CIMIP2C: variants seen among roughly 807,000 people sequenced by gnomAD.
The protein encoded by CIMIP2C is ciliary microtubule inner protein 2C, also known as UPF0573 protein C2orf70.
the CIMIP2C span, among the ~76,000 whole-genome samples, chr2:26,576,839 A>C: frequency 2.0e-5 from 3 of 152,326 alleles, no homozygotes; most frequent in South Asian, 6.2e-4. Context: ...ATCCCCAGAG[A>C]CCACAGGTGC....
chr2:26,579,223 G>A, the CIMIP2C span: 112 of 1,574,146 alleles, frequency 7.1e-5, no homozygotes, highest in African/African-American at 1.4e-3. Flanking sequence ...GGCACGTGGG[G>A]CTGTGGGTGG....
the CIMIP2C span, among the ~76,000 whole-genome samples, chr2:26,572,919 A>G: frequency 2.6e-5 from 4 of 152,222 alleles, no homozygotes; most frequent in East Asian, 5.8e-4. Context: ...GCATCTCCCC[A>G]TCACTTGTCT....
chr2:26,574,989 T>A, the CIMIP2C span, among the ~76,000 whole-genome samples: 18 of 152,268 alleles, frequency 1.2e-4, no homozygotes, highest in African/African-American at 4.3e-4. Context: ...GCCGCGAGTC[T>A]GGCGCCTGTA....
the CIMIP2C span, among the ~76,000 whole-genome samples, chr2:26,567,214 C>A: frequency 6.6e-6 from 1 of 152,076 alleles, no homozygotes; most frequent in Admixed American, 6.5e-5. Flanking sequence ...TTCCATAATC[C>A]CCACATGTCA....
the CIMIP2C span, among the ~76,000 whole-genome samples, chr2:26,567,947 A>G: frequency 1.3e-5 from 2 of 152,240 alleles, no homozygotes; most frequent in East Asian, 3.9e-4. Flanking sequence ...CTGTTGAGAA[A>G]CTGGCAGGTG....
At chr2:26,573,326 TAA>T in the CIMIP2C span, among the ~76,000 whole-genome samples, 2 of 146,786 alleles carry the variant, frequency 1.4e-5, no homozygotes, top group African/African-American at 5.5e-5. Flanking sequence ...CCTCTGCCTA[TAA>T]ACGGGCACCA....
the CIMIP2C span, among the ~76,000 whole-genome samples, chr2:26,576,384 C>T: frequency 6.6e-6 from 1 of 152,174 alleles, no homozygotes; most frequent in Non-Finnish European, 1.5e-5. Flanking sequence ...CTGATCTCTC[C>T]CCACCTCCCG....
At chr2:26,577,732 G>A in the CIMIP2C span, 1 of 844,722 alleles carries the variant, frequency 1.2e-6, no homozygotes, top group South Asian at 1.6e-5. Flanking sequence ...AATGAGTTGA[G>A]GATCTTGCCC....
the CIMIP2C span, among the ~76,000 whole-genome samples, chr2:26,563,867 C>T: frequency 6.6e-6 from 1 of 152,174 alleles, no homozygotes; most frequent in East Asian, 1.9e-4. Context: ...TTAACCTAGC[C>T]CATTTGTGGA....
At chr2:26,578,029 C>G in the CIMIP2C span, 1 of 185,656 alleles carries the variant, frequency 5.4e-6, no homozygotes, top group African/African-American at 2.4e-5. Context: ...GGCACTACAC[C>G]GAGCAGGAAT....
the CIMIP2C span, among the ~76,000 whole-genome samples, chr2:26,566,839 C>G: frequency 6.6e-6 from 1 of 152,182 alleles, no homozygotes; most frequent in African/African-American, 2.4e-5. Context: ...CCCACCTCAG[C>G]CCCCTGAGTA....
At chr2:26,565,029 TCTTCTCCTTCTC>T in the CIMIP2C span, among the ~76,000 whole-genome samples, 7 of 150,752 alleles carry the variant, frequency 4.6e-5, no homozygotes, top group African/African-American at 9.8e-5. Flanking sequence ...TTCTTCTTCT[TCTTCTCCTTCTC>T]CTTCTCCTTC....
chr2:26,578,685 G>A, the CIMIP2C span: 107 of 465,866 alleles, frequency 2.3e-4, 1 homozygote, highest in South Asian at 1.3e-3. Flanking sequence ...CCTGGGGACA[G>A]GTATCCTCTT....
chr2:26,570,191 AG>A, the CIMIP2C span, among the ~76,000 whole-genome samples: 1 of 152,236 alleles, frequency 6.6e-6, no homozygotes, highest in African/African-American at 2.4e-5. Flanking sequence ...GTGGAGAAGC[AG>A]GGAGCAGAGG....
At chr2:26,577,758 A>G in the CIMIP2C span, 3 of 677,944 alleles carry the variant, frequency 4.4e-6, no homozygotes, top group Non-Finnish European at 7.5e-6. Flanking sequence ...CGTGCAGTGC[A>G]GAGAGTGATG....
the CIMIP2C span, chr2:26,575,921 A>G: frequency 6.2e-7 from 1 of 1,612,658 alleles, no homozygotes; most frequent in African/African-American, 1.3e-5. Flanking sequence ...CCACGTCCCC[A>G]CTGTGGCCTT....
At chr2:26,569,991 G>C in the CIMIP2C span, among the ~76,000 whole-genome samples, 2 of 152,216 alleles carry the variant, frequency 1.3e-5, no homozygotes, top group African/African-American at 2.4e-5. Flanking sequence ...AAGGGACACA[G>C]ACCTAGCTTG....
chr2:26,564,856 A>T, the CIMIP2C span, among the ~76,000 whole-genome samples: 2 of 152,046 alleles, frequency 1.3e-5, no homozygotes, highest in Admixed American at 6.5e-5. Context: ...CCTGTTCCAG[A>T]TGTGGTCACT....
chr2:26,577,895 T>TA, the CIMIP2C span: 2 of 450,896 alleles, frequency 4.4e-6, no homozygotes, highest in Admixed American at 4.2e-5. Context: ...TCCGTAAGCT[T>TA]AGTGGGCCTG....
Sources: gnomAD v4.1 joint callset for allele counts (sites outside exome capture counted in the v4.1 genomes callset) on GRCh38, gnomAD v4.1.1 for gene constraint, MANE v1.5 for transcripts, NCBI Gene and HGNC (gene_info 2026-07-23, HGNC 2026-07-21) for gene names.